KIF21A: variants seen among roughly 807,000 people sequenced by gnomAD.
KIF21A encodes the protein kinesin family member 21A, also known as kinesin-like protein KIF21A.
In KIF21A, 114 loss-of-function variants were observed where a neutral mutation model predicts 202.9. The ratio of observed to expected loss-of-function variants is 0.56; its 90% CI spans 0.48 to 0.66. KIF21A has a LOEUF of 0.66. KIF21A is among the 30% of genes least tolerant of loss of function. The pLI is 0.00. For synonymous variants in KIF21A, 667 were observed against 670.8 expected, an observed-to-expected ratio of 0.99 and a Z score of 0.09; for missense variants, 1,677 against 1,994.9, an observed-to-expected ratio of 0.84 and a Z score of 3.04.
intron 27 of KIF21A, among the ~76,000 whole-genome samples, chr12:39,320,354 T>A (rs1038886090): frequency 6.6e-6 from 1 of 152,174 alleles, no homozygotes; most frequent in Non-Finnish European, 1.5e-5. Flanking sequence ...AGAAAAATTA[T>A]CTTTATAGTT....
intron 1 of KIF21A, among the ~76,000 whole-genome samples, chr12:39,414,067 T>C (rs1427804750): frequency 6.6e-6 from 1 of 152,238 alleles, no homozygotes; most frequent in Admixed American, 6.5e-5. Context: ...AGGGTTCAGA[T>C]GTACTCTAGT....
chr12:39,432,819 C>A (rs115449118), intron 1 of KIF21A, among the ~76,000 whole-genome samples: 2,400 of 152,158 alleles, frequency 0.016, 54 homozygotes, highest in African/African-American at 0.054. Context: ...CCATGCTGGC[C>A]GGGCTGGTCT....
chr12:39,304,333 C>T (rs569775402), intron 35 of KIF21A, among the ~76,000 whole-genome samples: 1 of 152,304 alleles, frequency 6.6e-6, no homozygotes, highest in Non-Finnish European at 1.5e-5. Flanking sequence ...ACATCTGGTT[C>T]TCTTTGAATG....
chr12:39,323,849 A>G (rs981125999), intron 26 of KIF21A, among the ~76,000 whole-genome samples: 1 of 152,086 alleles, frequency 6.6e-6, no homozygotes, highest in Non-Finnish European at 1.5e-5. Context: ...GGTGGCTCAC[A>G]CCTGTAATCC....
At chr12:39,416,075 A>T (rs1953555382) in intron 1 of KIF21A, among the ~76,000 whole-genome samples, 1 of 152,170 alleles carries the variant, frequency 6.6e-6, no homozygotes, top group Non-Finnish European at 1.5e-5. Context: ...GCCAAAATTC[A>T]GTTCCTGGAA....
At chr12:39,334,871 T>C (rs1946827211) in intron 17 of KIF21A, among the ~76,000 whole-genome samples, 1 of 152,176 alleles carries the variant, frequency 6.6e-6, no homozygotes, top group Non-Finnish European at 1.5e-5. Flanking sequence ...ATCCCAGGAG[T>C]TCAGTATTGG....
At chr12:39,331,935 A>G in intron 21 of KIF21A, 144 bp from the exon 22 acceptor site, 1 of 740,284 alleles carries the variant, frequency 1.4e-6, no homozygotes, top group African/African-American at 1.7e-5. Flanking sequence ...CATTACCCCA[A>G]GAAACATAGG....
chr12:39,428,507 G>A (rs1292053825), intron 1 of KIF21A, among the ~76,000 whole-genome samples: 2 of 152,152 alleles, frequency 1.3e-5, no homozygotes, highest in Non-Finnish European at 2.9e-5. Context: ...AGAAAAAACA[G>A]AGTCACAAAT....
intron 7 of KIF21A, 88 bp downstream of exon 7, chr12:39,363,010 A>T (rs1949346251): frequency 1.2e-6 from 1 of 868,700 alleles, no homozygotes; most frequent in Admixed American, 1.7e-5. Context: ...TTGCTTTGCA[A>T]TAAAAGTAGT....
At chr12:39,320,042 C>A (rs751620585) in intron 27 of KIF21A, 29 bp from the exon 28 acceptor site, 190 of 1,329,770 alleles carry the variant, frequency 1.4e-4, no homozygotes, top group Non-Finnish European at 1.9e-4. Context: ...CTTTAATTAC[C>A]TAATTCTAAA....
intron 1 of KIF21A, among the ~76,000 whole-genome samples, chr12:39,393,046 T>C (rs1208740669): frequency 6.6e-6 from 1 of 150,700 alleles, no homozygotes; most frequent in Non-Finnish European, 1.5e-5. Flanking sequence ...AAAATGTTTC[T>C]GAAATAAATA....
Position 39,367,942 on chromosome 12 carries a change from A to T in KIF21A, c.541T>A (p.Ser181Thr). 6.2e-7 allele frequency: 1 copy of T among 1,607,826 alleles called. No individual in the cohort carries two copies. The highest frequency in any genetic ancestry group is 8.5e-7 in the Non-Finnish European group (1 of 1,174,618). ...KKSNIRIHED[S>T]TGGIYTVGVT... ...CCCACAGTATAAATTCCTCCAGTTGAATCTTCATGAATTCTTATATTTGAT... is the reference window on the plus strand; with the variant it reads ...CCCACAGTATAAATTCCTCCAGTTGTATCTTCATGAATTCTTATATTTGAT... Residue 181 changes from serine (S) to threonine (T), a missense_variant, in exon 4 of 38, where the codon TCA (serine) becomes ACA (threonine). Coordinates refer to ENST00000361418, the MANE Select transcript of KIF21A (RefSeq NM_001173464.2).
chr12:39,319,791 A>T, intron 28 of KIF21A, 115 bp downstream of exon 28: 1 of 732,210 alleles, frequency 1.4e-6, no homozygotes, highest in Non-Finnish European at 2.4e-6. Context: ...TTAGTCAAAT[A>T]GTCATAACCA....
At chr12:39,330,071 T>G (rs554431406) in intron 24 of KIF21A, 171 bp downstream of exon 24, 1 of 575,294 alleles carries the variant, frequency 1.7e-6, no homozygotes, top group South Asian at 2.5e-5. Flanking sequence ...CAGGAATGTT[T>G]AATAAAAGAC....
intron 10 of KIF21A, among the ~76,000 whole-genome samples, chr12:39,356,327 A>T (rs1424218795): frequency 7.2e-5 from 11 of 152,218 alleles, no homozygotes; most frequent in Non-Finnish European, 8.8e-5. Context: ...TGGTATTGAC[A>T]TATGCAAGTA....
intron 29 of KIF21A, 99 bp from the exon 30 acceptor site, chr12:39,316,069 A>C: frequency 1.2e-6 from 1 of 819,636 alleles, no homozygotes; most frequent in Non-Finnish European, 2.2e-6. Flanking sequence ...AATAACAGAT[A>C]TATAGCAAAC....
chr12:39,356,146 T>C (rs920885190), intron 10 of KIF21A, among the ~76,000 whole-genome samples: 3 of 152,248 alleles, frequency 2.0e-5, no homozygotes, highest in African/African-American at 4.8e-5. Context: ...ATTGACTTAA[T>C]CTTCTTTCCC....
chr12:39,359,194 A>G (rs1949017930), intron 7 of KIF21A, among the ~76,000 whole-genome samples: 1 of 152,068 alleles, frequency 6.6e-6, no homozygotes, highest in Non-Finnish European at 1.5e-5. Flanking sequence ...TAATCTCAAC[A>G]CAGTACTCGT....
At chr12:39,412,509 G>A (rs1415419147) in intron 1 of KIF21A, among the ~76,000 whole-genome samples, 1 of 152,122 alleles carries the variant, frequency 6.6e-6, no homozygotes, top group East Asian at 1.9e-4. Context: ...TCGAGCTCAG[G>A]AGTTCAAGAC....
Sources: allele counts gnomAD v4.1 joint callset (sites outside exome capture counted in the v4.1 genomes callset), GRCh38; gene constraint gnomAD v4.1.1; transcripts MANE v1.5; gene names NCBI Gene and HGNC (gene_info 2026-07-23, HGNC 2026-07-21).